Variants in PLCH1 observed in about 807,000 individuals in gnomAD.
The protein encoded by PLCH1 is phospholipase C eta 1.
In PLCH1, 60 loss-of-function variants were observed where a neutral mutation model predicts 126.7. The observed-to-expected ratio is 0.47, with a 90% confidence interval of 0.38 to 0.59. The LOEUF is 0.59. Among genes scored for constraint, PLCH1 ranks in the 20% least tolerant of loss-of-function variants. The probability of loss-of-function intolerance (pLI) is 0.00; values close to 1 mark genes in which losing one functional copy is unlikely to be tolerated. For synonymous variants in PLCH1, 719 were observed against 734.9 expected (o/e 0.98, Z 0.35); for missense variants, 1,723 against 2,040.0 (o/e 0.84, Z 2.99).
At chr3:155,666,502 C>A (rs1742740778) in intron 2 of PLCH1, among the ~76,000 whole-genome samples, 1 of 152,072 alleles carries the variant, frequency 6.6e-6, no homozygotes, top group South Asian at 2.1e-4. Context: ...TACAACTGGG[C>A]TAAGTGAATA....
intron 2 of PLCH1, among the ~76,000 whole-genome samples, chr3:155,661,771 A>G (rs1267688732): frequency 6.6e-6 from 1 of 152,228 alleles, no homozygotes; most frequent in Non-Finnish European, 1.5e-5. Context: ...GTGAGCAAAA[A>G]TGAATACAGT....
intron 2 of PLCH1, among the ~76,000 whole-genome samples, chr3:155,630,365 T>A (rs762830260): frequency 9.2e-5 from 14 of 152,262 alleles, no homozygotes; most frequent in Admixed American, 3.9e-4. Flanking sequence ...TTTAATCGAT[T>A]TGTGTTACTT....
intron 1 of PLCH1, among the ~76,000 whole-genome samples, chr3:155,725,104 C>A (rs1748224990): frequency 6.6e-6 from 1 of 151,982 alleles, no homozygotes; most frequent in South Asian, 2.1e-4. Flanking sequence ...AAGATAGGAC[C>A]CCAATCCCTT....
chr3:155,600,887 G>C (rs1294765751), intron 2 of PLCH1, among the ~76,000 whole-genome samples: 4 of 152,178 alleles, frequency 2.6e-5, no homozygotes, highest in African/African-American at 7.2e-5. Flanking sequence ...ATGAGTCGAA[G>C]ACTATATTCC....
chr3:155,573,813 T>C (rs116010787), intron 6 of PLCH1, among the ~76,000 whole-genome samples: 1 of 152,306 alleles, frequency 6.6e-6, no homozygotes, highest in African/African-American at 2.4e-5. Flanking sequence ...CAAAGACACA[T>C]ATGTACAGGA....
intron 2 of PLCH1, among the ~76,000 whole-genome samples, chr3:155,654,778 C>T (rs530663183): frequency 3.9e-5 from 6 of 152,312 alleles, no homozygotes; most frequent in South Asian, 2.1e-4. Flanking sequence ...GTAAGTCCAT[C>T]CTCCATGGTG....
At chr3:155,557,948 A>T (rs534751476) in intron 8 of PLCH1, among the ~76,000 whole-genome samples, 10 of 152,318 alleles carry the variant, frequency 6.6e-5, no homozygotes, top group African/African-American at 2.4e-4. Context: ...TGGACAGAAC[A>T]TCCATATTTA....
chr3:155,611,628 C>T (rs895916999), intron 2 of PLCH1, among the ~76,000 whole-genome samples: 2 of 151,948 alleles, frequency 1.3e-5, no homozygotes, highest in Admixed American at 1.3e-4. Context: ...AGAAAGTCAA[C>T]AAAAAAACAA....
chr3:155,472,119 A>G (rs973601165), intron 21 of PLCH1, among the ~76,000 whole-genome samples: 3 of 152,216 alleles, frequency 2.0e-5, no homozygotes, highest in Admixed American at 6.5e-5. Flanking sequence ...AAACCCTTCG[A>G]AAAATTAATG....
rs145562344 is a variant in PLCH1 at position 155,683,717 on chromosome 3, G to A, written c.79+20429C>T. Among the ~76,000 whole-genome samples the A allele has an allele frequency of 1.2e-3, 186 of 152,262 alleles. No individual in the cohort carries two copies. The East Asian group carries it at 0.031, about 25-fold the overall frequency. ...ATTAACTAGAGATAGGTAGTCACACGGGAATCTCTCATGGTTGTTGACAGT... is the reference window on the plus strand; with the variant it reads ...ATTAACTAGAGATAGGTAGTCACACAGGAATCTCTCATGGTTGTTGACAGT... On this transcript the variant is annotated intron_variant, in intron 2 of 22. Transcript: ENST00000460012.
At chr3:155,724,813 TTGTGTGTGTGTGTGTG>T (rs60805589) in intron 1 of PLCH1, among the ~76,000 whole-genome samples, 1 of 140,064 alleles carries the variant, frequency 7.1e-6, no homozygotes, top group African/African-American at 2.7e-5. Context: ...TTGGGGGGTT[TTGTGTGTGTGTGTGTG>T]TGTGTGTGTG....
intron 11 of PLCH1, among the ~76,000 whole-genome samples, chr3:155,517,628 T>C (rs1720524859): frequency 6.6e-6 from 1 of 152,194 alleles, no homozygotes; most frequent in Admixed American, 6.5e-5. Flanking sequence ...GACATTGTCA[T>C]TGGATTTAGG....
intron 2 of PLCH1, among the ~76,000 whole-genome samples, chr3:155,644,166 A>T (rs536515829): frequency 6.6e-6 from 1 of 152,330 alleles, no homozygotes; most frequent in South Asian, 2.1e-4. Context: ...GGGAAAAATG[A>T]AGGAATATGA....
chr3:155,473,120 G>C (rs1228369574), intron 21 of PLCH1, among the ~76,000 whole-genome samples: 1 of 147,714 alleles, frequency 6.8e-6, no homozygotes, highest in African/African-American at 2.5e-5. Flanking sequence ...ATTCAATTAG[G>C]AAAAGAGGAA....
chr3:155,480,893 A>C lies in PLCH1; in HGVS notation c.*75T>G. 1.6e-6 allele frequency: 2 copies of C among 1,249,998 alleles called. No homozygotes were observed. The highest frequency in any genetic ancestry group is 2.2e-6 in the Non-Finnish European group (2 of 904,148). The allele number at this position is 1,249,998 out of a possible 1,614,324, so 77.4% of individuals were successfully genotyped here. On this transcript the variant is annotated 3_prime_UTR_variant, in exon 23 of 23. Coordinates refer to ENST00000460012, the MANE Select transcript of PLCH1 (RefSeq NM_014996.4). ...TACATTTGAAAATCATTCCAAAGCC[A>C]AGGAACTTATTTACTGAAAACTCTG...
intron 1 of PLCH1, chr3:155,743,168 T>C: frequency 2.4e-6 from 1 of 418,486 alleles, no homozygotes; most frequent in Non-Finnish European, 4.7e-6. Flanking sequence ...AATGCTAGGC[T>C]GTATGTAAAC....
intron 10 of PLCH1, among the ~76,000 whole-genome samples, chr3:155,543,395 A>T (rs1255072327): frequency 1.3e-5 from 2 of 152,218 alleles, no homozygotes; most frequent in African/African-American, 4.8e-5. Flanking sequence ...ATGTGAAAAG[A>T]CCAAATCTAC....
At chr3:155,634,472 G>C (rs933609760) in intron 2 of PLCH1, among the ~76,000 whole-genome samples, 2 of 152,160 alleles carry the variant, frequency 1.3e-5, no homozygotes, top group Admixed American at 6.5e-5. Flanking sequence ...TGAAACCATG[G>C]GGCTTCAGGT....
In PLCH1 at chr3:155,481,249, T is replaced by C; in HGVS notation, c.4777A>G (p.Lys1593Glu). 6.2e-7 allele frequency: 1 copy of C among 1,614,230 alleles called. No individual in the cohort carries two copies. The highest frequency in any genetic ancestry group is 1.1e-5 in the South Asian group (1 of 91,090). Residue 1593 changes from lysine (K) to glutamate (E), a missense_variant, in exon 23 of 23, where the codon AAG becomes GAG. Around this residue, in one of 2 missense-constraint regions of PLCH1, gnomAD observed 947 missense variants for 977.1 expected, o/e 0.97. Transcript: ENST00000460012. The surrounding 1 kb of genome is among the most constrained non-coding windows in gnomAD (Gnocchi z 4.2). ...SRAKEKQEAN[K>E]QKVPNPSNGA... ...TTGCTGGGGTTTGGAACTTTCTGCT[T>C]GTTGGCTTCCTGTTTCTCCTTGGCA... is the stretch of plus-strand genomic sequence containing the variant.
Sources: allele counts gnomAD v4.1 joint callset (sites outside exome capture counted in the v4.1 genomes callset), GRCh38; gene constraint gnomAD v4.1.1; regional missense constraint gnomAD v4.1.1; non-coding constraint Gnocchi (gnomAD v3.1); transcripts MANE v1.5; gene names NCBI Gene and HGNC (gene_info 2026-07-23, HGNC 2026-07-21).